The following EP400 variants were observed in gnomAD, a reference collection of about 807,000 sequenced individuals.
EP400 encodes the protein E1A binding protein p400.
Under a neutral mutation model 354.1 loss-of-function variants are expected in EP400, and 105 were observed. That is an observed-to-expected ratio of 0.30 (90% CI 0.25 to 0.35). The LOEUF is 0.35. EP400 is among the 10% of genes least tolerant of loss of function. The probability of loss-of-function intolerance (pLI) is 1.00; values close to 1 mark genes in which losing one functional copy is unlikely to be tolerated. For missense variants in EP400, 3,280 were observed against 4,121.0 expected (o/e 0.80, Z 5.59); for synonymous variants, 1,646 against 1,716.9 (o/e 0.96, Z 1.02).
At chr12:132,048,499 A>G (rs1316360390) in intron 39 of EP400, among the ~76,000 whole-genome samples, 2 of 148,376 alleles carry the variant, frequency 1.3e-5, no homozygotes, top group African/African-American at 2.5e-5. Flanking sequence ...AGGCAAAAAT[A>G]TTTGTAAAGT....
rs1891871344 is a variant in EP400 at position 131,961,207 on chromosome 12, AG to A, written c.591del (p.Leu198SerfsTer116). 6.5e-7 allele frequency: 1 copy of A among 1,528,008 alleles called. No homozygotes were observed. Among genetic ancestry groups the A allele is most frequent in the African/African-American group, 1.4e-5 (1 of 72,988 alleles). The allele number at this position is 1,528,008 out of a possible 1,614,324, so 94.7% of individuals were successfully genotyped here. Reference sequence around the variant, plus strand: ...GACACTTTGTGTTTCAGGATGGGTCAGGGCTCACCCAGATCGCCCAGGGAGC... The same window carrying A: ...GACACTTTGTGTTTCAGGATGGGTCAGGCTCACCCAGATCGCCCAGGGAGC... ...GGHFVFQDGS[G>X]LTQIAQGAQV... On this transcript the variant is annotated frameshift_variant, in exon 2 of 53. Coordinates refer to ENST00000389561, the MANE Select transcript of EP400 (RefSeq NM_015409.5). LOFTEE classifies it high-confidence loss of function.
At position 131,970,615 on chromosome 12, in the gene EP400, G is replaced by A. The variant is rs542256087; in HGVS notation, c.1335+8661G>A. Among the ~76,000 whole-genome samples the A allele has an allele frequency of 8.5e-5, 13 of 152,344 alleles. No homozygotes were observed. In the South Asian group the frequency reaches 2.7e-3, roughly 32 times the overall value. Reference sequence around the variant, plus strand: ...GTACTAATAGAGCACCCAGTGCAAAGCAGAGAGCCCTGCCATCGTGCACAT... The same window carrying A: ...GTACTAATAGAGCACCCAGTGCAAAACAGAGAGCCCTGCCATCGTGCACAT... On this transcript the variant is annotated intron_variant, in intron 2 of 52. Transcript: ENST00000389561.
At chr12:131,997,718 C>T (rs1038532720) in intron 12 of EP400, among the ~76,000 whole-genome samples, 9 of 147,130 alleles carry the variant, frequency 6.1e-5, no homozygotes, top group Non-Finnish European at 6.0e-5. Flanking sequence ...GTCATCTTCA[C>T]GTTGAGTAGG....
intron 47 of EP400, 152 bp from the exon 48 acceptor site, chr12:132,064,516 C>T (rs1286277437): frequency 6.3e-6 from 6 of 955,366 alleles, no homozygotes; most frequent in African/African-American, 3.3e-5. Context: ...AGATACTGGG[C>T]AGCCCATGGA....
chr12:131,982,187 C>A lies in EP400; in HGVS notation c.1638C>A (p.Asn546Lys). The change falls in exon 5 of 53, where the codon AAC (asparagine) becomes AAA (lysine). Residue 546 changes from asparagine to lysine, a missense_variant. Physicochemically the swap from Asn to Lys is moderately conservative, Grantham distance 94. Transcript: ENST00000389561. The part of the protein sequence containing the change: ...YDPSTGPPVQ[N>K]AASLHTPLPQ... ...CCTCCACGGGGCCTCCCGTGCAGAA[C>A]GCTGCCAGCTTGCACACCCCACTGC... 6.2e-7 allele frequency: 1 copy of A among 1,613,396 alleles called. No individual in the cohort carries two copies. The highest frequency in any genetic ancestry group is 8.5e-7 in the Non-Finnish European group (1 of 1,179,708).
chr12:131,981,955 C>A, intron 4 of EP400, 138 bp from the exon 5 acceptor site: 1 of 1,160,322 alleles, frequency 8.6e-7, no homozygotes, highest in Non-Finnish European at 1.2e-6. Context: ...TGTGTGTGCT[C>A]GGTTGTGGCC....
At chr12:132,062,728 C>T (rs375746629) in intron 47 of EP400, 27 bp downstream of exon 47, 71 of 1,609,336 alleles carry the variant, frequency 4.4e-5, no homozygotes, top group Middle Eastern at 1.6e-4. Flanking sequence ...GGACCATGAA[C>T]GTGTGCGTCT....
At chr12:132,046,988 T>C (rs1237979036) in intron 39 of EP400, among the ~76,000 whole-genome samples, 1 of 152,234 alleles carries the variant, frequency 6.6e-6, no homozygotes, top group Non-Finnish European at 1.5e-5. Flanking sequence ...GGGACACATA[T>C]AGTAGAGGCA....
intron 45 of EP400, among the ~76,000 whole-genome samples, chr12:132,061,794 G>A (rs1394191996): frequency 6.6e-6 from 1 of 152,228 alleles, no homozygotes; most frequent in Non-Finnish European, 1.5e-5. Flanking sequence ...AAGGACAGTC[G>A]TTACGTTCCT....
intron 12 of EP400, among the ~76,000 whole-genome samples, chr12:132,001,449 C>T (rs183486426): frequency 1.1e-3 from 167 of 152,306 alleles, no homozygotes; most frequent in Non-Finnish European, 1.5e-3. Context: ...GCCACGTGTA[C>T]AGGATGGAAC....
chr12:131,956,144 G>A (rs754549941), intron 1 of EP400, among the ~76,000 whole-genome samples: 1 of 152,104 alleles, frequency 6.6e-6, no homozygotes, highest in African/African-American at 2.4e-5. Flanking sequence ...AGTGACCCAC[G>A]CAGCCCTCGG....
chr12:131,978,621 C>T (rs1291230747), intron 2 of EP400, among the ~76,000 whole-genome samples: 1 of 151,952 alleles, frequency 6.6e-6, no homozygotes, highest in Non-Finnish European at 1.5e-5. Context: ...CTCTTGGGCT[C>T]AAGACTCCTG....
intron 2 of EP400, among the ~76,000 whole-genome samples, chr12:131,974,987 C>CAAAAA (rs764013155): frequency 3.2e-4 from 14 of 43,282 alleles, no homozygotes; most frequent in African/African-American, 4.7e-4. Context: ...GACTCCATCT[C>CAAAAA]AAAAAAAAAA....
At chr12:132,024,114 C>T (rs1447108372) in intron 24 of EP400, among the ~76,000 whole-genome samples, 173 bp downstream of exon 24, 1 of 152,232 alleles carries the variant, frequency 6.6e-6, no homozygotes, top group Non-Finnish European at 1.5e-5. Context: ...CGTTCATCAG[C>T]CACCGGGTTG....
chr12:132,070,439 C>G lies in EP400; in HGVS notation c.9021+798C>G, dbSNP rs940428143. 6.6e-6 allele frequency among the ~76,000 whole-genome samples: 1 copy of G among 152,264 alleles called. No individual in the cohort carries two copies. The highest frequency in any genetic ancestry group is 1.5e-5 in the Non-Finnish European group (1 of 68,054). ...TGGGGAAGTTCAGGGCTTCTTGTCT[C>G]AGAGGCCATGCTGGTCCCACGGCGC... On this transcript the variant is annotated intron_variant, in intron 51 of 52. Coordinates refer to ENST00000389561, the MANE Select transcript of EP400 (RefSeq NM_015409.5). The surrounding 1 kb of genome is among the most constrained non-coding windows in gnomAD (Gnocchi z 4.1).
chr12:131,995,611 C>T (rs111428607), intron 12 of EP400, among the ~76,000 whole-genome samples: 6 of 115,944 alleles, frequency 5.2e-5, no homozygotes, highest in African/African-American at 1.0e-4. Context: ...GAGAACTTCA[C>T]GTGAATGAAT....
intron 48 of EP400, 183 bp downstream of exon 48, chr12:132,065,069 A>G (rs1036267314): frequency 2.7e-6 from 3 of 1,130,228 alleles, no homozygotes; most frequent in Non-Finnish European, 3.6e-6. Context: ...ACATTAACAC[A>G]GCAGCAGCTC....
At position 132,029,621 on chromosome 12, in the gene EP400, G is replaced by A; in HGVS notation, c.5382-80G>A. 6.8e-7 allele frequency: 1 copy of A among 1,471,944 alleles called. No homozygotes were observed. The highest frequency in any genetic ancestry group is 1.2e-5 in the South Asian group (1 of 82,130). The allele number at this position is 1,471,944 out of a possible 1,614,324, so 91.2% of individuals were successfully genotyped here. A position where few individuals can be genotyped will look rare whatever the true frequency, so the allele number is the denominator to read the frequency against. Reference sequence around the variant, plus strand: ...CTGGGACTTGGACTGTCAGAAGTCTGCCCCATCTTTCAGGAGCCCCCATGC... The same window carrying A: ...CTGGGACTTGGACTGTCAGAAGTCTACCCCATCTTTCAGGAGCCCCCATGC... On this transcript the variant is annotated intron_variant, in intron 27 of 52. Transcript: ENST00000389561. This position sits in a 1 kb window ranked among gnomAD's most constrained non-coding sequence, Gnocchi z 4.7.
At position 132,076,554 on chromosome 12, in the gene EP400, C is replaced by G. The variant is rs540609651; in HGVS notation, c.9060C>G (p.Pro3020=). 29 of 1,613,750 alleles carry G rather than the reference C, an allele frequency of 1.8e-5. No individual in the cohort carries two copies. In the African/African-American group the frequency reaches 3.7e-4, roughly 21 times the overall value. The change falls in exon 52 of 53, where the codon CCC becomes CCG. Residue 3020 remains proline, a synonymous_variant. Transcript: ENST00000389561. ...CTCAAGTTGTTCAACAGCAAACACC[C>G]GTGGCCAGCATCCAGCAAGTTGCCT... ...KLPQVVQQQT[P]VASIQQVASA...
Sources: gnomAD v4.1 joint callset for allele counts (sites outside exome capture counted in the v4.1 genomes callset) on GRCh38, gnomAD v4.1.1 for gene constraint, Gnocchi (gnomAD v3.1) non-coding constraint, MANE v1.5 for transcripts, NCBI Gene and HGNC (gene_info 2026-07-23, HGNC 2026-07-21) for gene names.